The following PARVB variants were observed in gnomAD, a reference collection of about 807,000 sequenced individuals.
PARVB encodes the protein beta-parvin.
A neutral mutation model predicts 47.0 loss-of-function variants in PARVB; 46 were observed. The ratio of observed to expected loss-of-function variants is 0.98; its 90% CI spans 0.77 to 1.25. The LOEUF (loss-of-function observed/expected upper bound fraction) is 1.25, where lower values mean the gene tolerates loss of function less well. PARVB is among the 50% of genes most tolerant of loss of function. The pLI, the probability that PARVB is intolerant of heterozygous loss-of-function variation, is 0.00. For synonymous variants in PARVB, 196 were observed against 196.3 expected, an observed-to-expected ratio of 1.00 and a Z score of 0.01; for missense variants, 473 against 471.6, an observed-to-expected ratio of 1.00 and a Z score of -0.03.
chr22:44,001,310 T>G (rs1340620725), intron 2 of PARVB, among the ~76,000 whole-genome samples: 1 of 152,210 alleles, frequency 6.6e-6, no homozygotes, highest in Non-Finnish European at 1.5e-5. Context: ...ACCCGTTGGA[T>G]CAGGAAAATC....
At chr22:44,030,090 G>GTAGA (rs1400975028) in intron 1 of PARVB, among the ~76,000 whole-genome samples, 6 of 152,244 alleles carry the variant, frequency 3.9e-5, no homozygotes, top group Non-Finnish European at 8.8e-5. Flanking sequence ...CATCAGTTGT[G>GTAGA]TAGATGATGG....
At chr22:44,002,623 C>T (rs373617019) in intron 2 of PARVB, among the ~76,000 whole-genome samples, 28 of 152,152 alleles carry the variant, frequency 1.8e-4, no homozygotes, top group Middle Eastern at 3.4e-3. Context: ...GTCTTTCCTG[C>T]GTGGCTGTAC....
At chr22:44,020,778 T>G (rs1310618577), upstream of PARVB, among the ~76,000 whole-genome samples, 1 of 151,564 alleles carries the variant, frequency 6.6e-6, no homozygotes, top group East Asian at 1.9e-4. Flanking sequence ...TCTCCAACTC[T>G]GTCCTTTCTT....
rs1017240281 is a variant in PARVB at position 44,172,087 on chromosome 22, G to T, written c.*3409G>T. On this transcript the variant is annotated 3_prime_UTR_variant, in exon 13 of 13. Transcript: ENST00000338758. ...GCATACCTGGGAAGGGCCCCATTAG[G>T]CTCGACTCCTCATTTTTCTCCATTC... 1 of 151,850 alleles carries T rather than the reference G, an allele frequency of 6.6e-6. No homozygotes were observed. Among genetic ancestry groups the T allele is most frequent in the African/African-American group, 2.4e-5 (1 of 41,492 alleles). The allele number at this position is 151,850 out of a possible 1,614,324, so 9.4% of individuals were successfully genotyped here. A position where few individuals can be genotyped will look rare whatever the true frequency, so the allele number is the denominator to read the frequency against.
chr22:44,126,165 G>A (rs988099978), intron 4 of PARVB, among the ~76,000 whole-genome samples: 3 of 152,160 alleles, frequency 2.0e-5, no homozygotes, highest in Non-Finnish European at 4.4e-5. Context: ...GTTTAGCACC[G>A]TGGGACTGCA....
At chr22:44,004,780 G>T (rs1418225581) in intron 2 of PARVB, among the ~76,000 whole-genome samples, 1 of 152,086 alleles carries the variant, frequency 6.6e-6, no homozygotes, top group Non-Finnish European at 1.5e-5. Context: ...AACCTTTTCC[G>T]TCTCTCCAGT....
intron 1 of PARVB, among the ~76,000 whole-genome samples, chr22:44,087,708 T>TAA (rs72494364): frequency 2.1e-5 from 3 of 146,054 alleles, no homozygotes; most frequent in Admixed American, 6.8e-5. Flanking sequence ...AGAAGAAGAT[T>TAA]AAAAAAAAAA....
At chr22:44,123,240 A>G (rs1377408336) in intron 4 of PARVB, among the ~76,000 whole-genome samples, 1 of 152,218 alleles carries the variant, frequency 6.6e-6, no homozygotes, top group African/African-American at 2.4e-5. Flanking sequence ...ACTCAAATGT[A>G]TTGACCATTA....
At chr22:44,076,197 C>T (rs1165260970) in intron 1 of PARVB, among the ~76,000 whole-genome samples, 1 of 152,194 alleles carries the variant, frequency 6.6e-6, no homozygotes, top group Non-Finnish European at 1.5e-5. Flanking sequence ...AAGAGTGGCT[C>T]CACAGCAGCT....
intron 1 of PARVB, among the ~76,000 whole-genome samples, chr22:44,072,501 C>T (rs1341372109): frequency 1.3e-5 from 2 of 152,128 alleles, no homozygotes. Context: ...AGTGCAGTGG[C>T]GTGATCTCAT....
intron 1 of PARVB, among the ~76,000 whole-genome samples, chr22:44,092,997 A>G (rs2052208612): frequency 1.3e-5 from 2 of 152,236 alleles, no homozygotes; most frequent in Non-Finnish European, 2.9e-5. Context: ...GCATGTGATC[A>G]GGGACTGCTC....
chr22:44,017,611 T>C (rs1391405344), intron 2 of PARVB, among the ~76,000 whole-genome samples: 1 of 152,134 alleles, frequency 6.6e-6, no homozygotes, highest in Non-Finnish European at 1.5e-5. Context: ...AATAACCAAA[T>C]GAAAATTGTA....
intron 10 of PARVB, among the ~76,000 whole-genome samples, 188 bp from the exon 11 acceptor site, chr22:44,157,794 G>A (rs572999470): frequency 6.6e-5 from 10 of 152,214 alleles, no homozygotes; most frequent in East Asian, 5.8e-4. Flanking sequence ...TGGGAGAATC[G>A]CCTCAGGGAG....
chr22:44,024,403 C>T lies in PARVB; in HGVS notation c.64C>T (p.Leu22=), dbSNP rs1242931332. ...CAGGATGAAGAAGGACGAGTCGTTC[C>T]TGGGCAAGCTGGGCGGCACCCTGGC... ...PRRMKKDESF[L]GKLGGTLARK... Residue 22 remains leucine (L), a synonymous_variant, in exon 1 of 13, where the codon CTG becomes TTG. Transcript: ENST00000338758. The T allele has an allele frequency of 1.6e-6, 2 of 1,257,578 alleles. No homozygotes were observed. The highest frequency in any genetic ancestry group is 2.0e-6 in the Non-Finnish European group (2 of 987,272). The allele number at this position is 1,257,578 out of a possible 1,614,324, so 77.9% of individuals were successfully genotyped here. A position where few individuals can be genotyped will look rare whatever the true frequency, so the allele number is the denominator to read the frequency against.
chr22:44,065,113 A>G (rs2051493707), intron 1 of PARVB, among the ~76,000 whole-genome samples: 1 of 151,776 alleles, frequency 6.6e-6, no homozygotes, highest in South Asian at 2.1e-4. Flanking sequence ...GAGACCCTGG[A>G]AACTTGGCTT....
In PARVB at chr22:44,091,385, C is replaced by T. The variant is rs955949263; in HGVS notation, c.113-2543C>T. Among the ~76,000 whole-genome samples the T allele has an allele frequency of 6.0e-5, 9 of 148,930 alleles. No homozygotes were observed. In the South Asian group the frequency reaches 6.3e-4, roughly 10 times the overall value. ...GAGCAGAGTTCACTGGTATTAAGTA[C>T]GTTCTCATTGTGCAGCCATCACCAC... is the stretch of plus-strand genomic sequence containing the variant. On this transcript the variant is annotated intron_variant, in intron 1 of 12. Transcript: ENST00000338758.
chr22:44,021,482 A>G (rs990100685), upstream of PARVB, among the ~76,000 whole-genome samples: 1 of 152,246 alleles, frequency 6.6e-6, no homozygotes, highest in Non-Finnish European at 1.5e-5. Context: ...CCAACATGAT[A>G]ACACAGGACT....
rs1274437028 is a variant in PARVB at position 44,168,765 on chromosome 22, C to T, written c.*87C>T. ...CTGTGCCTTTCCAGGGAGCCAGGCG[C>T]CATGGGCTTCTGGTCCAAGCTGTGT... On this transcript the variant is annotated 3_prime_UTR_variant, in exon 13 of 13. Coordinates refer to ENST00000338758, the MANE Select transcript of PARVB (RefSeq NM_013327.5). 1.1e-6 allele frequency: 1 copy of T among 904,736 alleles called. No homozygotes were observed. The highest frequency in any genetic ancestry group is 1.6e-5 in the African/African-American group (1 of 61,150). The allele number at this position is 904,736 out of a possible 1,614,324, so 56.0% of individuals were successfully genotyped here.
intron 1 of PARVB, among the ~76,000 whole-genome samples, chr22:44,065,285 C>T (rs1207631045): frequency 6.6e-6 from 1 of 152,050 alleles, no homozygotes; most frequent in Non-Finnish European, 1.5e-5. Flanking sequence ...AGAAGTCTGT[C>T]CAGGAAGATT....
Sources: allele counts gnomAD v4.1 joint callset (sites outside exome capture counted in the v4.1 genomes callset), GRCh38; gene constraint gnomAD v4.1.1; transcripts MANE v1.5; gene names NCBI Gene and HGNC (gene_info 2026-07-23, HGNC 2026-07-21).